HERC2: variants seen among roughly 807,000 people sequenced by gnomAD.
HERC2 encodes the protein HECT and RLD domain containing E3 ubiquitin protein ligase 2, also known as E3 ubiquitin-protein ligase HERC2.
HERC2 carries 102 observed loss-of-function variants against 537.7 expected under a neutral mutation model. The ratio of observed to expected loss-of-function variants is 0.19; its 90% CI spans 0.16 to 0.22. The LOEUF is 0.22. Ranked by LOEUF, HERC2 falls within the 10% of genes least tolerant of loss-of-function variation. The pLI, the probability that HERC2 is intolerant of heterozygous loss-of-function variation, is 1.00. For missense variants in HERC2, 4,236 were observed against 6,198.2 expected, an observed-to-expected ratio of 0.68 and a Z score of 10.63; for synonymous variants, 2,224 against 2,466.2, an observed-to-expected ratio of 0.90 and a Z score of 2.91.
chr15:28,284,697 TG>T (rs988252037), intron 4 of HERC2, among the ~76,000 whole-genome samples: 3 of 151,824 alleles, frequency 2.0e-5, no homozygotes, highest in African/African-American at 7.3e-5. Context: ...CCAAGGTGGG[TG>T]GATCTCAGGA....
intron 3 of HERC2, among the ~76,000 whole-genome samples, chr15:28,298,861 A>T (rs1350630035): frequency 6.6e-6 from 1 of 152,040 alleles, no homozygotes; most frequent in Non-Finnish European, 1.5e-5. Flanking sequence ...GAGCTATTTC[A>T]ACTTAGAATA....
intron 3 of HERC2, among the ~76,000 whole-genome samples, chr15:28,297,627 G>T (rs1432156932): frequency 6.6e-6 from 1 of 152,046 alleles, no homozygotes; most frequent in African/African-American, 2.4e-5. Context: ...CCGACTACGT[G>T]ATTCCATGTA....
chr15:28,165,932 T>A (rs1894091974), intron 68 of HERC2, among the ~76,000 whole-genome samples: 1 of 152,176 alleles, frequency 6.6e-6, no homozygotes, highest in Non-Finnish European at 1.5e-5. Flanking sequence ...AATGCCCTTC[T>A]CCACCAGAAA....
intron 26 of HERC2, among the ~76,000 whole-genome samples, chr15:28,235,983 C>A (rs1391639426): frequency 2.6e-5 from 4 of 152,192 alleles, no homozygotes; most frequent in Non-Finnish European, 5.9e-5. Flanking sequence ...TGAAATATAA[C>A]TGACTTGAGC....
intron 89 of HERC2, 77 bp downstream of exon 89, chr15:28,115,352 G>C: frequency 1.1e-6 from 1 of 947,884 alleles, no homozygotes; most frequent in Non-Finnish European, 1.6e-6. Context: ...AGAGTTCACA[G>C]CCTGACCGGA....
intron 4 of HERC2, among the ~76,000 whole-genome samples, chr15:28,291,042 A>G (rs1312638623): frequency 7.9e-5 from 12 of 152,236 alleles, no homozygotes; most frequent in African/African-American, 2.9e-4. Flanking sequence ...ACTCAAATTG[A>G]TAACTTCTGG....
At chr15:28,188,224 C>CTGACTGAATATTATA (rs1344582683) in intron 55 of HERC2, among the ~76,000 whole-genome samples, 1 of 152,094 alleles carries the variant, frequency 6.6e-6, no homozygotes, top group East Asian at 1.9e-4. Context: ...AATCTGGACA[C>CTGACTGAATATTATA]TGACTGAATA....
At chr15:28,196,951 A>G (rs1171877826) in intron 50 of HERC2, among the ~76,000 whole-genome samples, 2 of 152,230 alleles carry the variant, frequency 1.3e-5, no homozygotes, top group African/African-American at 4.8e-5. Context: ...GGGAATAAAA[A>G]CCACATTAAT....
At chr15:28,156,918 C>T (rs1484968212) in intron 69 of HERC2, among the ~76,000 whole-genome samples, 1 of 152,164 alleles carries the variant, frequency 6.6e-6, no homozygotes, top group African/African-American at 2.4e-5. Context: ...TTTTGAGATA[C>T]ATCCCAACAA....
Position 28,176,510 on chromosome 15 carries a change from G to A in HERC2, c.9604C>T (p.Leu3202=). The A allele has an allele frequency of 1.2e-6, 2 of 1,614,174 alleles. No homozygotes were observed. The highest frequency in any genetic ancestry group is 1.7e-6 in the Non-Finnish European group (2 of 1,180,036). ...ATCTGGCACACCCCCTGTCCATTTAGTCTCTCAATGTTCTGGGGAATGTTA... is the reference window on the plus strand; with the variant it reads ...ATCTGGCACACCCCCTGTCCATTTAATCTCTCAATGTTCTGGGGAATGTTA... The part of the protein sequence containing the change: ...GCNIPQNIER[L]NGQGVCQIEC... The change falls in exon 63 of 93, where the codon CTA becomes TTA. Residue 3202 remains leucine (L), a synonymous_variant. Transcript: ENST00000261609. This position sits in a 1 kb window ranked among gnomAD's most constrained non-coding sequence, Gnocchi z 5.0.
At position 28,124,103 on chromosome 15, in the gene HERC2, G is replaced by A. The variant is rs369146967; in HGVS notation, c.13122C>T (p.Asp4374=). ...IPMFDLEGSL[D]ETGLGPSVGF... is the part of the protein sequence containing the mutation. ...CAACAGAAGGCCCGAGTCCAGTTTC[G>A]TCGAGCGAGCCTTCCAGGTCGAACA... The change falls in exon 85 of 93, where the codon GAC becomes GAT. Residue 4374 remains aspartate (D), a synonymous_variant. Transcript: ENST00000261609. 8.6e-5 allele frequency: 139 copies of A among 1,607,782 alleles called. No homozygotes were observed. Among genetic ancestry groups the A allele is most frequent in the Middle Eastern group, 1.7e-4 (1 of 6,054 alleles).
Position 28,192,002 on chromosome 15 carries a change from C to A in HERC2, c.8410G>T (p.Gly2804Cys), listed in dbSNP as rs571204932. ...SVNQASRLID[G>C]SEPCWQSSGS... ...GATGACTGCCAGCAGGGCTCGCTGC[C>A]GTCAATGAGACGGGATGCCTGGTTC... The change falls in exon 53 of 93, where the codon GGC becomes TGC. Residue 2804 changes from glycine to cysteine, a missense_variant. This residue lies in a region of HERC2 where 606 missense variants were observed against 884.5 expected (regional missense o/e 0.69). Transcript: ENST00000261609. 1 of 1,613,732 alleles carries A rather than the reference C, an allele frequency of 6.2e-7. No homozygotes were observed. The highest frequency in any genetic ancestry group is 8.5e-7 in the Non-Finnish European group (1 of 1,179,988).
chr15:28,132,719 T>G lies in HERC2; in HGVS notation c.12342A>C (p.Thr4114=). The change falls in exon 80 of 93, where the codon ACA becomes ACC. Residue 4114 remains threonine (T), a synonymous_variant. Transcript: ENST00000261609. ...GCCGGCCGTAGCGGCCTTTGCCCCA[T>G]GTGTAGAGGTCCCCGGCTGCTGTGA... is the stretch of plus-strand genomic sequence containing the variant. ...ACVTAAGDLY[T]WGKGRYGRLG... is the part of the protein sequence containing the mutation. 1.2e-6 allele frequency: 2 copies of G among 1,605,746 alleles called. No individual in the cohort carries two copies.
At chr15:28,232,533 G>C (rs1206943438) in intron 30 of HERC2, among the ~76,000 whole-genome samples, 1 of 147,396 alleles carries the variant, frequency 6.8e-6, no homozygotes, top group East Asian at 2.0e-4. Context: ...TGGCGACAAA[G>C]CAAGATTCCA....
chr15:28,296,689 TAAA>T (rs4035974), intron 3 of HERC2, among the ~76,000 whole-genome samples: 22 of 115,218 alleles, frequency 1.9e-4, no homozygotes, highest in Admixed American at 2.6e-4. Flanking sequence ...TACTGATACA[TAAA>T]AAAAAAAAAA....
chr15:28,244,603 T>G (rs965995170), intron 23 of HERC2, among the ~76,000 whole-genome samples: 3 of 152,224 alleles, frequency 2.0e-5, no homozygotes, highest in Admixed American at 2.0e-4. Context: ...TTATCACAAT[T>G]TCAAGAGGCT....
intron 5 of HERC2, among the ~76,000 whole-genome samples, chr15:28,275,405 C>A (rs2075844842): frequency 6.6e-6 from 1 of 152,218 alleles, no homozygotes; most frequent in Admixed American, 6.5e-5. Context: ...GGTAGCCTGG[C>A]TCGCCCCAGC....
chr15:28,157,256 C>A (rs868326372), intron 69 of HERC2, among the ~76,000 whole-genome samples: 4 of 152,180 alleles, frequency 2.6e-5, no homozygotes, highest in African/African-American at 9.7e-5. Context: ...GTGCTGGCCT[C>A]ATAAAATGAG....
At position 28,146,294 on chromosome 15, in the gene HERC2, G is replaced by A. The variant is rs767220007; in HGVS notation, c.10951C>T (p.Arg3651Cys). The A allele has an allele frequency of 2.5e-6, 4 of 1,614,022 alleles. No individual in the cohort carries two copies. Among genetic ancestry groups the A allele is most frequent in the Non-Finnish European group, 3.4e-6 (4 of 1,179,978 alleles). The change falls in exon 71 of 93, where the codon CGC becomes TGC. Residue 3651 changes from arginine to cysteine, a missense_variant. Transcript: ENST00000261609. Reference sequence around the variant, plus strand: ...TCCATGACTGTGAGAGGGTCGTGGCGCCTCTCTGTGGAGCACTGCCGGTCA... The same window carrying A: ...TCCATGACTGTGAGAGGGTCGTGGCACCTCTCTGTGGAGCACTGCCGGTCA... ...EFDRQCSTER[R>C]HDPLTVMDGV...
Sources: gnomAD v4.1 joint callset for allele counts (sites outside exome capture counted in the v4.1 genomes callset) on GRCh38, gnomAD v4.1.1 for gene constraint, gnomAD v4.1.1 regional missense constraint, Gnocchi (gnomAD v3.1) non-coding constraint, MANE v1.5 for transcripts, NCBI Gene and HGNC (gene_info 2026-07-23, HGNC 2026-07-21) for gene names.